The following OPCML variants were observed in gnomAD, a reference collection of about 807,000 sequenced individuals.
The protein encoded by OPCML is opioid binding protein/cell adhesion molecule like.
OPCML carries 13 observed loss-of-function variants against 37.8 expected under a neutral mutation model. The observed-to-expected ratio is 0.34, with a 90% CI of 0.22 to 0.55. The LOEUF is 0.55. Among genes scored for constraint, OPCML ranks in the 20% least tolerant of loss-of-function variants. The probability of loss-of-function intolerance (pLI) is 0.91; values close to 1 mark genes in which losing one functional copy is unlikely to be tolerated. For synonymous variants in OPCML, 176 were observed against 168.8 expected (o/e 1.04, Z -0.33); for missense variants, 341 against 435.6 (o/e 0.78, Z 1.93).
Position 133,095,143 on chromosome 11 carries a change from C to T in OPCML, c.62-152133G>A, listed in dbSNP as rs551310444. 2.6e-5 allele frequency among the ~76,000 whole-genome samples: 4 copies of T among 152,078 alleles called. No individual in the cohort carries two copies. In the South Asian group the frequency reaches 6.2e-4, roughly 24 times the overall value. ...ATGTAGCTGTTCTATTGGTGCCAGA[C>T]AGTATCTCATTGGATCAACATACAA... is the stretch of plus-strand genomic sequence containing the variant. On this transcript the variant is annotated intron_variant, in intron 1 of 7. Coordinates refer to ENST00000524381, the MANE Select transcript of OPCML (RefSeq NM_001012393.5).
intron 1 of OPCML, among the ~76,000 whole-genome samples, chr11:133,099,423 T>C (rs547123257): frequency 3.2e-4 from 48 of 149,186 alleles, no homozygotes; most frequent in Admixed American, 3.4e-4. Context: ...CCACCACACC[T>C]GGCTAATTTT....
At chr11:132,982,132 G>A (rs1263823975) in intron 1 of OPCML, among the ~76,000 whole-genome samples, 2 of 151,776 alleles carry the variant, frequency 1.3e-5, no homozygotes, top group African/African-American at 2.4e-5. Context: ...AGACCAATTC[G>A]GCTACTCTTG....
In OPCML at chr11:133,206,113, G is replaced by A. The variant is rs1592102779; in HGVS notation, c.62-263103C>T. ...TAACTGTATTATTCTGTAAATCAGG[G>A]TGATGATATTGGCTATATTTTATAA... On this transcript the variant is annotated intron_variant, in intron 1 of 7. Coordinates refer to ENST00000524381, the MANE Select transcript of OPCML (RefSeq NM_001012393.5). This position sits in a 1 kb window ranked among gnomAD's most constrained non-coding sequence, Gnocchi z 4.7. Among the ~76,000 whole-genome samples, 3 of 152,296 alleles carry A rather than the reference G, an allele frequency of 2.0e-5. No homozygotes were observed. In the South Asian group the frequency reaches 6.2e-4, roughly 32 times the overall value.
chr11:133,119,889 C>G (rs1863502853), intron 1 of OPCML, among the ~76,000 whole-genome samples: 1 of 152,100 alleles, frequency 6.6e-6, no homozygotes, highest in Non-Finnish European at 1.5e-5. Flanking sequence ...CGGGAAAGGG[C>G]AGGTAGGGCT....
intron 1 of OPCML, among the ~76,000 whole-genome samples, chr11:133,080,455 C>T (rs1251109769): frequency 6.7e-6 from 1 of 150,240 alleles, no homozygotes; most frequent in African/African-American, 2.5e-5. Flanking sequence ...AGAAAACATT[C>T]CCACTTTGGT....
chr11:133,239,476 G>A (rs924197713), intron 1 of OPCML, among the ~76,000 whole-genome samples: 2 of 152,218 alleles, frequency 1.3e-5, no homozygotes, highest in African/African-American at 4.8e-5. Flanking sequence ...ATAGAAAGGG[G>A]CCTTGGGGGA....
At chr11:133,496,538 A>G (rs1374170028) in intron 1 of OPCML, among the ~76,000 whole-genome samples, 1 of 152,068 alleles carries the variant, frequency 6.6e-6, no homozygotes, top group African/African-American at 2.4e-5. Context: ...TGAGCGTGGG[A>G]TGTGTTTCCA....
At chr11:133,156,378 C>T (rs1950062636) in intron 1 of OPCML, among the ~76,000 whole-genome samples, 1 of 152,212 alleles carries the variant, frequency 6.6e-6, no homozygotes, top group Non-Finnish European at 1.5e-5. Context: ...GCCTAGGTGA[C>T]TCAGTTTTAC....
intron 1 of OPCML, among the ~76,000 whole-genome samples, chr11:133,170,523 A>G (rs956531900): frequency 1.1e-4 from 16 of 149,520 alleles, no homozygotes; most frequent in African/African-American, 3.9e-4. Flanking sequence ...AAGGCTTGAA[A>G]TCAAACTGGA....
intron 1 of OPCML, chr11:133,422,327 GT>G: frequency 2.0e-6 from 2 of 980,226 alleles, no homozygotes; most frequent in Non-Finnish European, 2.4e-6. Flanking sequence ...CTTTTTCTAA[GT>G]TTTTCTTCAA....
intron 2 of OPCML, among the ~76,000 whole-genome samples, chr11:132,872,430 T>C (rs1942839104): frequency 6.6e-6 from 1 of 152,052 alleles, no homozygotes; most frequent in African/African-American, 2.4e-5. Flanking sequence ...CGTGACACCC[T>C]CCCCACCTGG....
At chr11:132,676,741 C>A (rs1469413968) in intron 2 of OPCML, among the ~76,000 whole-genome samples, 2 of 144,588 alleles carry the variant, frequency 1.4e-5, no homozygotes, top group Non-Finnish European at 3.0e-5. Context: ...ATTTTAGGCC[C>A]ACTAGAGCAG....
intron 4 of OPCML, among the ~76,000 whole-genome samples, chr11:132,441,466 C>G (rs1452799448): frequency 1.3e-5 from 2 of 152,078 alleles, no homozygotes; most frequent in African/African-American, 4.8e-5. Flanking sequence ...CCGCGCCCGG[C>G]CCACCAAGGA....
At chr11:132,427,583 T>G (rs1465961244) in intron 7 of OPCML, among the ~76,000 whole-genome samples, 1 of 152,216 alleles carries the variant, frequency 6.6e-6, no homozygotes, top group East Asian at 1.9e-4. Context: ...TCTTCTGTTC[T>G]CCTTAACACA....
At chr11:133,179,848 C>T (rs1300398782) in intron 1 of OPCML, among the ~76,000 whole-genome samples, 1 of 152,160 alleles carries the variant, frequency 6.6e-6, no homozygotes, top group Non-Finnish European at 1.5e-5. Flanking sequence ...CAATCAGTAA[C>T]CCTGTGAGGC....
At chr11:133,031,252 T>G (rs551320096) in intron 1 of OPCML, among the ~76,000 whole-genome samples, 1 of 151,408 alleles carries the variant, frequency 6.6e-6, no homozygotes. Flanking sequence ...GATGGGTGGA[T>G]GGGTAGACAG....
chr11:132,990,148 C>T (rs1946749940), intron 1 of OPCML, among the ~76,000 whole-genome samples: 2 of 152,184 alleles, frequency 1.3e-5, no homozygotes, highest in Admixed American at 1.3e-4. Context: ...TGACTGAAAG[C>T]AGGCGGGGTC....
chr11:132,715,106 T>C (rs2135960802), intron 2 of OPCML, among the ~76,000 whole-genome samples: 1 of 152,292 alleles, frequency 6.6e-6, no homozygotes. Context: ...GAACTGTGAC[T>C]CCACTGCTCC....
At chr11:133,363,098 G>C (rs1944460002) in intron 1 of OPCML, among the ~76,000 whole-genome samples, 1 of 152,202 alleles carries the variant, frequency 6.6e-6, no homozygotes, top group Admixed American at 6.5e-5. Flanking sequence ...GTTCAAGGGA[G>C]GGATTGGGCT....
Sources: allele counts gnomAD v4.1 joint callset (sites outside exome capture counted in the v4.1 genomes callset), GRCh38; gene constraint gnomAD v4.1.1; non-coding constraint Gnocchi (gnomAD v3.1); transcripts MANE v1.5; gene names NCBI Gene and HGNC (gene_info 2026-07-23, HGNC 2026-07-21).